AKT2: variants seen among roughly 807,000 people sequenced by gnomAD.
AKT2 encodes the protein RAC-beta serine/threonine-protein kinase.
A neutral mutation model predicts 58.6 loss-of-function variants in AKT2; 16 were observed. That is an observed-to-expected ratio of 0.27 (90% CI 0.18 to 0.41). The LOEUF (loss-of-function observed/expected upper bound fraction) is 0.41. Ranked by LOEUF, AKT2 falls within the 10% of genes least tolerant of loss-of-function variation. AKT2 has a pLI of 1.00. For missense variants in AKT2, 438 were observed against 661.0 expected (o/e 0.66, Z 3.70); for synonymous variants, 253 against 254.0 (o/e 1.00, Z 0.04).
intron 2 of AKT2, among the ~76,000 whole-genome samples, chr19:40,258,288 G>A (rs1379654428): frequency 3.4e-5 from 5 of 147,886 alleles, no homozygotes. Context: ...TGAGTATGGT[G>A]ATGGATGCAC....
At chr19:40,239,218 C>T in intron 7 of AKT2, 2 of 493,234 alleles carry the variant, frequency 4.1e-6, no homozygotes, top group Non-Finnish European at 7.3e-6. Flanking sequence ...CCATCAGGCA[C>T]AGCCAAGGGA....
intron 2 of AKT2, among the ~76,000 whole-genome samples, chr19:40,263,223 A>T (rs1458856273): frequency 6.6e-6 from 1 of 152,232 alleles, no homozygotes; most frequent in South Asian, 2.1e-4. Flanking sequence ...AGTCCAGCCT[A>T]ATGAGCCATG....
chr19:40,255,041 A>G, intron 4 of AKT2, 117 bp downstream of exon 4: 1 of 772,630 alleles, frequency 1.3e-6, no homozygotes, highest in Non-Finnish European at 2.3e-6. Flanking sequence ...CCCAACCAGA[A>G]GCGCAGATAG....
chr19:40,230,916 T>C lies in AKT2; in HGVS notation c.*2956A>G, dbSNP rs1286757779. The C allele has an allele frequency of 3.2e-5, 6 of 187,500 alleles. No individual in the cohort carries two copies. The highest frequency in any genetic ancestry group is 8.6e-5 in the East Asian group (1 of 11,680). The allele number at this position is 187,500 out of a possible 1,614,324, so 11.6% of individuals were successfully genotyped here. Reference sequence around the variant, plus strand: ...TTTGTATTTTTTGTAGAGATGAAGGTCTCCCTATGATGCCCAGGCTGGTCT... The same window carrying C: ...TTTGTATTTTTTGTAGAGATGAAGGCCTCCCTATGATGCCCAGGCTGGTCT... On this transcript the variant is annotated 3_prime_UTR_variant, in exon 14 of 14. Transcript: ENST00000392038.
At chr19:40,267,547 GCT>G (rs535083635) in intron 1 of AKT2, among the ~76,000 whole-genome samples, 87 of 152,284 alleles carry the variant, frequency 5.7e-4, no homozygotes, top group Middle Eastern at 3.4e-3. Flanking sequence ...TGCACTGTGT[GCT>G]CTTTGTGCAC....
intron 4 of AKT2, among the ~76,000 whole-genome samples, chr19:40,247,206 G>C (rs950121410): frequency 6.6e-6 from 1 of 152,178 alleles, no homozygotes. Context: ...ATGGCGTCTG[G>C]GGCAAAGGGG....
rs1244391579 is a variant in AKT2, at chr19:40,242,785, A to G, written c.288-98T>C. On this transcript the variant is annotated intron_variant, in intron 4 of 13. Transcript: ENST00000392038. This position sits in a 1 kb window ranked among gnomAD's most constrained non-coding sequence, Gnocchi z 4.3. The stretch of plus-strand genomic sequence containing the variant: ...TCCCAGCCACCCCCAGCAACAGGCA[A>G]GCAAATGACCACATAACCATGGGAA... 7.4e-7 allele frequency: 1 copy of G among 1,342,944 alleles called. No individual in the cohort carries two copies. Among genetic ancestry groups the G allele is most frequent in the African/African-American group, 1.4e-5 (1 of 69,350 alleles). 83.2% of individuals were successfully genotyped at this position (1,342,944 alleles called of 1,614,324 possible). A position where few individuals can be genotyped will look rare whatever the true frequency, so the allele number is the denominator to read the frequency against.
intron 1 of AKT2, among the ~76,000 whole-genome samples, chr19:40,283,515 G>A (rs1033359779): frequency 2.0e-5 from 3 of 152,186 alleles, no homozygotes; most frequent in Admixed American, 1.3e-4. Flanking sequence ...TGCGGACTAG[G>A]GGCAACCATC....
chr19:40,238,513 G>A lies in AKT2; in HGVS notation c.708+392C>T, dbSNP rs925151688. Among the ~76,000 whole-genome samples the A allele has an allele frequency of 3.3e-5, 5 of 152,332 alleles. No individual in the cohort carries two copies. Among genetic ancestry groups the A allele is most frequent in the Non-Finnish European group, 7.3e-5 (5 of 68,040 alleles). On this transcript the variant is annotated intron_variant, in intron 8 of 13. Transcript: ENST00000392038. The surrounding 1 kb of genome is among the most constrained non-coding windows in gnomAD (Gnocchi z 5.1). ...TGACAAAAGTGAGGCGACTCTGTAA[G>A]GGGAAGCTGAGCGGCTGCGGGAATT...
Position 40,238,473 on chromosome 19 carries a change from G to A in AKT2, c.709-382C>T, listed in dbSNP as rs530877139. Among the ~76,000 whole-genome samples, 3 of 152,352 alleles carry A rather than the reference G, an allele frequency of 2.0e-5. No individual in the cohort carries two copies. Among genetic ancestry groups the A allele is most frequent in the Non-Finnish European group, 2.9e-5 (2 of 68,034 alleles). ...GCCAACCACTGCACAGAGAAGGCGC[G>A]AGGCAAGGAGTGGGTGACAAAAGTG... On this transcript the variant is annotated intron_variant, in intron 8 of 13. Coordinates refer to ENST00000392038, the MANE Select transcript of AKT2 (RefSeq NM_001626.6). The surrounding 1 kb of genome is among the most constrained non-coding windows in gnomAD (Gnocchi z 5.1).
At chr19:40,284,928 G>A (rs1305383425) in intron 1 of AKT2, 1 of 316,778 alleles carries the variant, frequency 3.2e-6, no homozygotes, top group East Asian at 5.0e-5. Flanking sequence ...GCTGCGGCCT[G>A]CGCTCCCCGT....
At chr19:40,276,518 A>G (rs970979708) in intron 1 of AKT2, among the ~76,000 whole-genome samples, 9 of 151,124 alleles carry the variant, frequency 6.0e-5, no homozygotes, top group African/African-American at 2.2e-4. Context: ...GGCACCCACC[A>G]CCACACCTGG....
At chr19:40,271,479 G>A (rs1475655651) in intron 1 of AKT2, among the ~76,000 whole-genome samples, 1 of 151,082 alleles carries the variant, frequency 6.6e-6, no homozygotes, top group East Asian at 1.9e-4. Flanking sequence ...AACTAGTGGT[G>A]TAACAGGCAG....
chr19:40,277,567 C>G (rs1398055029), intron 1 of AKT2, among the ~76,000 whole-genome samples: 1 of 152,162 alleles, frequency 6.6e-6, no homozygotes, highest in Non-Finnish European at 1.5e-5. Context: ...CCACCCTGCT[C>G]TCTCCCCCTC....
At position 40,233,441 on chromosome 19, in the gene AKT2, G is replaced by C; in HGVS notation, c.*431C>G. ...GAGCCTAGGCCACGGGGCCTGGAAG[G>C]CAGCACCACTGTCTGCCGGGTGTCG... On this transcript the variant is annotated 3_prime_UTR_variant, in exon 14 of 14. Coordinates refer to ENST00000392038, the MANE Select transcript of AKT2 (RefSeq NM_001626.6). This position sits in a 1 kb window ranked among gnomAD's most constrained non-coding sequence, Gnocchi z 4.3. 2.0e-6 allele frequency: 1 copy of C among 507,102 alleles called. No homozygotes were observed. The highest frequency in any genetic ancestry group is 3.8e-6 in the Non-Finnish European group (1 of 265,126). 31.4% of individuals were successfully genotyped at this position (507,102 alleles called of 1,614,324 possible). A position where few individuals can be genotyped will look rare whatever the true frequency, so the allele number is the denominator to read the frequency against.
chr19:40,231,946 C>CGGCA lies in AKT2; in HGVS notation c.*1922_*1925dup. The CGGCA allele has an allele frequency of 4.3e-6, 1 of 233,340 alleles. No individual in the cohort carries two copies. The highest frequency in any genetic ancestry group is 8.5e-6 in the Non-Finnish European group (1 of 118,100). The allele number at this position is 233,340 out of a possible 1,614,324, so 14.5% of individuals were successfully genotyped here. A position where few individuals can be genotyped will look rare whatever the true frequency, so the allele number is the denominator to read the frequency against. Reference sequence around the variant, plus strand: ...GATAGGAATGCCCCCCTCTGAGGCTCGGCAGCCGGGTGGAATGAACCACTC... The same window carrying CGGCA: ...GATAGGAATGCCCCCCTCTGAGGCTCGGCAGGCAGCCGGGTGGAATGAACCACTC... On this transcript the variant is annotated 3_prime_UTR_variant, in exon 14 of 14. Coordinates refer to ENST00000392038, the MANE Select transcript of AKT2 (RefSeq NM_001626.6).
Position 40,256,923 on chromosome 19 carries a change from C to T in AKT2, c.175+3G>A, listed in dbSNP as rs746991455. ...ACACTGACCCACTCATCCCAAGACA[C>T]ACCTGCTACGGAGAAGTTGTTTAAG... On this transcript the variant is annotated splice_donor_region_variant and intron_variant, in intron 3 of 13. Transcript: ENST00000392038. 1 of 1,614,106 alleles carries T rather than the reference C, an allele frequency of 6.2e-7. No homozygotes were observed. The highest frequency in any genetic ancestry group is 1.1e-5 in the South Asian group (1 of 91,078).
chr19:40,256,828 A>C, intron 3 of AKT2, 98 bp downstream of exon 3: 1 of 1,569,534 alleles, frequency 6.4e-7, no homozygotes, highest in Non-Finnish European at 8.8e-7. Flanking sequence ...CAGGCCCAGG[A>C]CAGGCCCATG....
At chr19:40,259,517 T>A (rs952089799) in intron 2 of AKT2, among the ~76,000 whole-genome samples, 1 of 152,240 alleles carries the variant, frequency 6.6e-6, no homozygotes, top group East Asian at 1.9e-4. Flanking sequence ...CTCATTACTT[T>A]GAATTTGGCA....
Sources: allele counts gnomAD v4.1 joint callset (sites outside exome capture counted in the v4.1 genomes callset), GRCh38; gene constraint gnomAD v4.1.1; non-coding constraint Gnocchi (gnomAD v3.1); transcripts MANE v1.5; gene names NCBI Gene and HGNC (gene_info 2026-07-23, HGNC 2026-07-21).